Variants in CSMD1 observed in about 807,000 individuals in gnomAD.
CSMD1 encodes the protein CUB and Sushi multiple domains 1.
CSMD1 carries 213 observed loss-of-function variants against 417.5 expected under a neutral mutation model. The observed-to-expected ratio is 0.51, with a 90% confidence interval of 0.46 to 0.57. The LOEUF (loss-of-function observed/expected upper bound fraction) is 0.57. Ranked by LOEUF, CSMD1 falls within the 20% of genes least tolerant of loss-of-function variation. The probability of loss-of-function intolerance (pLI) is 0.00; values close to 1 mark genes in which losing one functional copy is unlikely to be tolerated. For missense variants in CSMD1, 6,923 were observed against 4,529.7 expected, an observed-to-expected ratio of 1.53 and a Z score of -15.17; for synonymous variants, 2,862 against 1,736.8, an observed-to-expected ratio of 1.65 and a Z score of -16.11.
chr8:3,876,861 C>T (rs1290985284), intron 5 of CSMD1, among the ~76,000 whole-genome samples: 16 of 152,242 alleles, frequency 1.1e-4, no homozygotes, highest in African/African-American at 3.9e-4. Context: ...ATTCGCCCGC[C>T]TTGGCCTCCC....
chr8:3,384,544 C>A (rs182384351), intron 18 of CSMD1, among the ~76,000 whole-genome samples: 61 of 150,632 alleles, frequency 4.0e-4, no homozygotes, highest in African/African-American at 1.3e-3. Context: ...ATGGGACAGT[C>A]CTTCCTTATT....
At chr8:4,197,094 T>G (rs547389348) in intron 3 of CSMD1, among the ~76,000 whole-genome samples, 1 of 152,210 alleles carries the variant, frequency 6.6e-6, no homozygotes, top group East Asian at 1.9e-4. Context: ...AACATCAAGA[T>G]GAAGACAATG....
At chr8:4,228,968 G>C (rs1489184690) in intron 3 of CSMD1, among the ~76,000 whole-genome samples, 1 of 152,060 alleles carries the variant, frequency 6.6e-6, no homozygotes, top group Non-Finnish European at 1.5e-5. Flanking sequence ...AGCCAAGCCA[G>C]GACCCCTGAT....
chr8:4,541,477 G>A (rs113766590), intron 2 of CSMD1, among the ~76,000 whole-genome samples: 6,049 of 152,230 alleles, frequency 0.04, 158 homozygotes, highest in Non-Finnish European at 0.057. Flanking sequence ...GGTAGGCGTC[G>A]TGGCTCACAC....
chr8:4,867,337 T>C (rs1802476096), intron 1 of CSMD1, among the ~76,000 whole-genome samples: 1 of 152,082 alleles, frequency 6.6e-6, no homozygotes, highest in Admixed American at 6.5e-5. Context: ...TTGAAGAGCA[T>C]TCGATTAATT....
intron 7 of CSMD1, among the ~76,000 whole-genome samples, chr8:3,672,016 A>C (rs1378350299): frequency 6.6e-6 from 1 of 152,220 alleles, no homozygotes; most frequent in Non-Finnish European, 1.5e-5. Flanking sequence ...CACAAAAGAC[A>C]GTAGGTTTTA....
rs2117077693 is a variant in CSMD1 at position 3,600,769 on chromosome 8, AGCAGTCATTGTTCTTCC to A, written c.1098-14526_1098-14510del. On this transcript the variant is annotated intron_variant, in intron 8 of 69. Transcript: ENST00000635120. ...TCTATCACAGGATTCAGTCATAAATAGCAGTCATTGTTCTTCCATGAATGTTTTGTAACATTCATATG... is the reference window on the plus strand; with the variant it reads ...TCTATCACAGGATTCAGTCATAAATAATGAATGTTTTGTAACATTCATATG... 1.3e-5 allele frequency among the ~76,000 whole-genome samples: 2 copies of A among 152,314 alleles called. 1 individual carries two copies. The highest frequency in any genetic ancestry group is 4.2e-4 in the South Asian group (2 of 4,818).
At chr8:4,606,352 G>A (rs899160725) in intron 2 of CSMD1, among the ~76,000 whole-genome samples, 5 of 151,414 alleles carry the variant, frequency 3.3e-5, no homozygotes, top group Admixed American at 1.3e-4. Flanking sequence ...AGGAAACAGG[G>A]AGAGAAAAAA....
chr8:3,949,977 G>C (rs1402116580), intron 5 of CSMD1: 2 of 455,798 alleles, frequency 4.4e-6, no homozygotes, highest in African/African-American at 2.0e-5. Context: ...CGTGTCTCCA[G>C]GCTTGCATGA....
At chr8:3,772,082 C>T (rs1051680578) in intron 5 of CSMD1, among the ~76,000 whole-genome samples, 10 of 150,598 alleles carry the variant, frequency 6.6e-5, no homozygotes, top group Non-Finnish European at 1.3e-4. Flanking sequence ...CCAATCCAGG[C>T]GGTTGATATT....
At chr8:3,463,053 C>G (rs1361166856) in intron 12 of CSMD1, among the ~76,000 whole-genome samples, 9 of 152,186 alleles carry the variant, frequency 5.9e-5, no homozygotes. Flanking sequence ...CACCAGACAC[C>G]AAATCTGCCA....
chr8:4,221,681 C>T (rs553709686), intron 3 of CSMD1, among the ~76,000 whole-genome samples: 5 of 152,164 alleles, frequency 3.3e-5, no homozygotes, highest in East Asian at 1.9e-4. Flanking sequence ...CACTGCCATT[C>T]CCACATTCCA....
At position 3,954,811 on chromosome 8, in the gene CSMD1, C is replaced by A. The variant is rs549848219; in HGVS notation, c.818+43092G>T. On this transcript the variant is annotated intron_variant, in intron 5 of 69. Transcript: ENST00000635120. ...ATGCACGCAGAGCCTCCTTGCCCCT[C>A]GGAAGCGAGCATGCGCAGTGTGGCA... is the stretch of plus-strand genomic sequence containing the variant. Among the ~76,000 whole-genome samples the A allele has an allele frequency of 2.6e-5, 4 of 152,232 alleles. No individual in the cohort carries two copies. The East Asian group carries it at 7.7e-4, about 29-fold the overall frequency.
intron 1 of CSMD1, among the ~76,000 whole-genome samples, chr8:4,899,342 CAA>C (rs1554514542): frequency 3.8e-5 from 1 of 26,416 alleles, no homozygotes; most frequent in Non-Finnish European, 6.1e-5. Flanking sequence ...CATACACTAA[CAA>C]AAAGTGAGCC....
chr8:3,215,480 G>T (rs1171273107), intron 29 of CSMD1, among the ~76,000 whole-genome samples: 4 of 152,164 alleles, frequency 2.6e-5, no homozygotes, highest in Non-Finnish European at 5.9e-5. Flanking sequence ...GCCAGGAAAG[G>T]ATCATAAGAA....
chr8:3,595,556 T>C (rs192418842), intron 8 of CSMD1, among the ~76,000 whole-genome samples: 1 of 152,136 alleles, frequency 6.6e-6, no homozygotes, highest in African/African-American at 2.4e-5. Context: ...GTGTTAGCAA[T>C]AGCCCAACAA....
chr8:3,830,566 T>C (rs1158223121), intron 5 of CSMD1, among the ~76,000 whole-genome samples: 1 of 152,146 alleles, frequency 6.6e-6, no homozygotes, highest in Non-Finnish European at 1.5e-5. Context: ...AACCCTCCAA[T>C]AAGTTATTAT....
chr8:3,346,571 A>G (rs553905907), intron 22 of CSMD1, among the ~76,000 whole-genome samples: 8 of 152,340 alleles, frequency 5.3e-5, no homozygotes, highest in Admixed American at 1.3e-4. Flanking sequence ...CCACTCTACT[A>G]AATTATGACA....
chr8:4,530,034 C>A (rs1373944067), intron 2 of CSMD1, among the ~76,000 whole-genome samples: 1 of 152,026 alleles, frequency 6.6e-6, no homozygotes, highest in Non-Finnish European at 1.5e-5. Flanking sequence ...CCTGCCTCAG[C>A]CTCCAGAGTA....
Sources: allele counts gnomAD v4.1 joint callset (sites outside exome capture counted in the v4.1 genomes callset), GRCh38; gene constraint gnomAD v4.1.1; transcripts MANE v1.5; gene names NCBI Gene and HGNC (gene_info 2026-07-23, HGNC 2026-07-21).